TDRD5: variants seen among roughly 807,000 people sequenced by gnomAD.
TDRD5 encodes tudor domain-containing protein 5.
TDRD5 carries 41 observed loss-of-function variants against 120.6 expected under a neutral mutation model. The ratio of observed to expected loss-of-function variants is 0.34; its 90% confidence interval spans 0.26 to 0.44. The LOEUF (loss-of-function observed/expected upper bound fraction) is 0.44. TDRD5 is among the 20% of genes least tolerant of loss of function. The pLI, the probability that TDRD5 is intolerant of heterozygous loss-of-function variation, is 1.00. For synonymous variants in TDRD5, 430 were observed against 433.7 expected, an observed-to-expected ratio of 0.99 and a Z score of 0.11; for missense variants, 1,006 against 1,221.2, an observed-to-expected ratio of 0.82 and a Z score of 2.63.
At chr1:179,681,338 T>C (rs1051389759) in intron 17 of TDRD5, among the ~76,000 whole-genome samples, 2 of 152,254 alleles carry the variant, frequency 1.3e-5, no homozygotes, top group African/African-American at 2.4e-5. Flanking sequence ...ATTAAAACTT[T>C]TCCTTTTTCC....
chr1:179,591,793 C>G (rs956912713), upstream of TDRD5: 3 of 152,482 alleles, frequency 2.0e-5, no homozygotes, highest in Admixed American at 1.3e-4. Context: ...GAACGCGGCG[C>G]CCCGGGAGAG....
chr1:179,682,487 G>C (rs999586928), intron 17 of TDRD5, among the ~76,000 whole-genome samples: 1 of 152,072 alleles, frequency 6.6e-6, no homozygotes, highest in African/African-American at 2.4e-5. Context: ...GTGAGAACAT[G>C]TGGTGTTTGG....
chr1:179,596,186 T>TA (rs917361913), intron 4 of TDRD5, among the ~76,000 whole-genome samples: 3 of 152,190 alleles, frequency 2.0e-5, no homozygotes, highest in Admixed American at 6.5e-5. Flanking sequence ...GTGACTGTAA[T>TA]GCTGAAGGAC....
intron 13 of TDRD5, among the ~76,000 whole-genome samples, chr1:179,652,628 T>C (rs1371306826): frequency 6.6e-6 from 1 of 152,238 alleles, no homozygotes; most frequent in Non-Finnish European, 1.5e-5. Context: ...TTGTACCACA[T>C]GGCAGGCACT....
intron 14 of TDRD5, among the ~76,000 whole-genome samples, chr1:179,659,530 A>G (rs1679171387): frequency 1.4e-5 from 2 of 138,962 alleles, no homozygotes; most frequent in Admixed American, 1.4e-4. Context: ...CACTGATATC[A>G]GTATAGCCAT....
At chr1:179,615,168 T>C (rs1388403362) in intron 4 of TDRD5, among the ~76,000 whole-genome samples, 1 of 152,138 alleles carries the variant, frequency 6.6e-6, no homozygotes, top group Non-Finnish European at 1.5e-5. Context: ...ATATATATGA[T>C]CGATTCAGGT....
At position 179,687,420 on chromosome 1, in the gene TDRD5, A is replaced by G. The variant is rs139175601; in HGVS notation, c.2861-3276A>G. Among the ~76,000 whole-genome samples, 1,502 of 152,228 alleles carry G rather than the reference A, an allele frequency of 9.9e-3. 31 individuals carry two copies. The highest frequency in any genetic ancestry group is 0.034 in the African/African-American group (1,409 of 41,522). ...GTGGTCTGAGGCACAGTTTGTTATAATTTCTATTCTTTTACCTTTGCTGAG... is the reference window on the plus strand; with the variant it reads ...GTGGTCTGAGGCACAGTTTGTTATAGTTTCTATTCTTTTACCTTTGCTGAG... On this transcript the variant is annotated intron_variant, in intron 17 of 17. Transcript: ENST00000444136.
Position 179,640,012 on chromosome 1 carries a change from A to G in TDRD5, c.1694A>G (p.Asn565Ser). The G allele has an allele frequency of 4.3e-6, 7 of 1,614,180 alleles. No individual in the cohort carries two copies. The highest frequency in any genetic ancestry group is 5.9e-6 in the Non-Finnish European group (7 of 1,180,012). Residue 565 changes from asparagine to serine, a missense_variant, in exon 10 of 18, where the codon AAT becomes AGT. Coordinates refer to ENST00000444136, the MANE Select transcript of TDRD5 (RefSeq NM_001199085.3). The stretch of plus-strand genomic sequence containing the variant: ...GAAGTGTTCTACCCAGACTTTGGAA[A>G]TATTGGAATTGTTCAGAAGTCCTCC... Reference protein sequence around the residue: ...EVEVFYPDFGNIGIVQKSSLR... With the variant: ...EVEVFYPDFGSIGIVQKSSLR...
chr1:179,639,444 G>A (rs1447442889), intron 9 of TDRD5, among the ~76,000 whole-genome samples: 2 of 152,188 alleles, frequency 1.3e-5, no homozygotes, highest in African/African-American at 2.4e-5. Flanking sequence ...CTAGGAAAGG[G>A]TTTGAAACAG....
In TDRD5 at chr1:179,593,501, G is replaced by T. The variant is rs1572316785; in HGVS notation, c.274G>T (p.Ala92Ser). 2.5e-6 allele frequency: 4 copies of T among 1,614,000 alleles called. No homozygotes were observed. In the East Asian group the frequency reaches 8.9e-5, roughly 36 times the overall value. The change falls in exon 3 of 18, where the codon GCA (alanine) becomes TCA (serine). Residue 92 changes from alanine (A) to serine (S), a missense_variant. Ala to Ser is a moderately conservative substitution (Grantham distance 99, BLOSUM62 1). Around this residue, in one of 3 missense-constraint regions of TDRD5, gnomAD observed 445 missense variants for 515.5 expected, o/e 0.86. Transcript: ENST00000444136. ...ESTKGIASLV[A>S]KQRSSHKLRN... is the part of the protein sequence containing the mutation. The stretch of plus-strand genomic sequence containing the variant: ...TACCAAAGGAATAGCAAGCTTAGTT[G>T]CAAAACAGAGGAGCAGCCATAAGCT...
intron 7 of TDRD5, among the ~76,000 whole-genome samples, chr1:179,634,254 C>G (rs1677632737): frequency 6.6e-6 from 1 of 152,112 alleles, no homozygotes; most frequent in Admixed American, 6.5e-5. Context: ...GATTTGTTCC[C>G]ACCTAGAACT....
chr1:179,666,167 C>G (rs926847013), intron 16 of TDRD5, among the ~76,000 whole-genome samples: 1 of 152,102 alleles, frequency 6.6e-6, no homozygotes, highest in African/African-American at 2.4e-5. Context: ...GATATCCTTG[C>G]CTCTTCTAAT....
At chr1:179,596,905 T>G (rs1675424688) in intron 4 of TDRD5, among the ~76,000 whole-genome samples, 1 of 152,218 alleles carries the variant, frequency 6.6e-6, no homozygotes, top group African/African-American at 2.4e-5. Flanking sequence ...CTGTATGACT[T>G]TCCTTTCCCA....
chr1:179,669,570 T>C (rs1572424354), intron 17 of TDRD5, among the ~76,000 whole-genome samples, 166 bp downstream of exon 17: 1 of 152,246 alleles, frequency 6.6e-6, no homozygotes, highest in East Asian at 1.9e-4. Flanking sequence ...ATTGTTCCTT[T>C]AACTTTGCCA....
intron 17 of TDRD5, among the ~76,000 whole-genome samples, chr1:179,687,641 G>A (rs1386022558): frequency 1.3e-5 from 2 of 152,020 alleles, no homozygotes; most frequent in African/African-American, 2.4e-5. Flanking sequence ...TTGACAGTGG[G>A]GTGTTAAAGT....
At chr1:179,625,634 G>T (rs1677082520) in intron 6 of TDRD5, among the ~76,000 whole-genome samples, 1 of 152,206 alleles carries the variant, frequency 6.6e-6, no homozygotes, top group African/African-American at 2.4e-5. Context: ...TTTATCCTTT[G>T]ACCCAGAATT....
chr1:179,597,711 T>C (rs1675480858), intron 4 of TDRD5, among the ~76,000 whole-genome samples: 1 of 152,222 alleles, frequency 6.6e-6, no homozygotes, highest in African/African-American at 2.4e-5. Context: ...CTTGAAGTTT[T>C]ATGTTTTCAG....
intron 11 of TDRD5, among the ~76,000 whole-genome samples, chr1:179,645,713 C>T (rs1322070003): frequency 6.6e-6 from 1 of 151,924 alleles, no homozygotes; most frequent in Non-Finnish European, 1.5e-5. Flanking sequence ...GTATTTCTTC[C>T]TATAGTTCAG....
intron 14 of TDRD5, among the ~76,000 whole-genome samples, chr1:179,659,550 C>CGTGTGTGTGT (rs71569263): frequency 4.6e-5 from 6 of 129,782 alleles, no homozygotes; most frequent in East Asian, 2.3e-4. Flanking sequence ...TTCCAGTTTT[C>CGTGTGTGTGT]GTGTGTGTGT....
Sources: allele counts gnomAD v4.1 joint callset (sites outside exome capture counted in the v4.1 genomes callset), GRCh38; gene constraint gnomAD v4.1.1; regional missense constraint gnomAD v4.1.1; transcripts MANE v1.5; gene names NCBI Gene and HGNC (gene_info 2026-07-23, HGNC 2026-07-21).